Variants in UCKL1 observed in about 807,000 individuals in gnomAD.
The protein encoded by UCKL1 is uridine-cytidine kinase-like 1.
In UCKL1, 65 loss-of-function variants were observed where a neutral mutation model predicts 59.2. The observed-to-expected ratio is 1.10, with a 90% CI of 0.90 to 1.35. The LOEUF is 1.35. UCKL1 is among the 40% of genes most tolerant of loss of function. The probability of loss-of-function intolerance (pLI) is 0.00; values close to 1 mark genes in which losing one functional copy is unlikely to be tolerated. For missense variants in UCKL1, 703 were observed against 784.3 expected, an observed-to-expected ratio of 0.90 and a Z score of 1.24; for synonymous variants, 410 against 323.1, an observed-to-expected ratio of 1.27 and a Z score of -2.88.
At position 63,946,624 on chromosome 20, in the gene UCKL1, C is replaced by G; in HGVS notation, c.133G>C (p.Asp45His). ...GTGCCCACAGGTGGCAGGAGCCTGTCCAGGGACTCTGCATTGCTGCTGCAG... is the reference window on the plus strand; with the variant it reads ...GTGCCCACAGGTGGCAGGAGCCTGTGCAGGGACTCTGCATTGCTGCTGCAG... ...CEDRSNAESL[D>H]RLLPPVGTGR... Residue 45 changes from aspartate (D) to histidine (H), a missense_variant, in exon 2 of 15, where the codon GAC (aspartate) becomes CAC (histidine). This residue lies in a region of UCKL1 where 398 missense variants were observed against 373.0 expected (regional missense o/e 1.07). Transcript: ENST00000354216. 6.2e-7 allele frequency: 1 copy of G among 1,609,326 alleles called. No homozygotes were observed.
chr20:63,939,952 G>A lies in UCKL1; in HGVS notation c.*24C>T, dbSNP rs1412679003. On this transcript the variant is annotated 3_prime_UTR_variant, in exon 15 of 15. Coordinates refer to ENST00000354216, the MANE Select transcript of UCKL1 (RefSeq NM_017859.4). ...GTCAGGAGGCAGGAGGAGGGTGGTG[G>A]GGACGGGATGGCTCACTGGGCAGCT... 1 of 1,607,794 alleles carries A rather than the reference G, an allele frequency of 6.2e-7. No individual in the cohort carries two copies. Among genetic ancestry groups the A allele is most frequent in the Middle Eastern group, 1.7e-4 (1 of 6,044 alleles).
In UCKL1 at chr20:63,950,920, C is replaced by G. The variant is rs1053958878; in HGVS notation, c.114-4277G>C. 1.4e-5 allele frequency: 19 copies of G among 1,389,792 alleles called. No individual in the cohort carries two copies. The South Asian group carries it at 3.1e-4, about 23-fold the overall frequency. The allele number at this position is 1,389,792 out of a possible 1,614,324, so 86.1% of individuals were successfully genotyped here. On this transcript the variant is annotated intron_variant, in intron 1 of 14. Coordinates refer to ENST00000354216, the MANE Select transcript of UCKL1 (RefSeq NM_017859.4). ...GCGCAGGCAGCCGTGGGGGACATCA[C>G]CACCTCAGACCCACAGCAGTCCCCT...
At chr20:63,947,722 G>A (rs2056628479) in intron 1 of UCKL1, among the ~76,000 whole-genome samples, 1 of 152,270 alleles carries the variant, frequency 6.6e-6, no homozygotes, top group Non-Finnish European at 1.5e-5. Context: ...AAACACCAGA[G>A]AGGAAAGTGC....
intron 5 of UCKL1, among the ~76,000 whole-genome samples, 198 bp from the exon 6 acceptor site, chr20:63,944,932 C>T (rs1293674952): frequency 6.6e-6 from 1 of 152,044 alleles, no homozygotes; most frequent in Non-Finnish European, 1.5e-5. Flanking sequence ...AGCCACTTCC[C>T]CAGGGCACCC....
In UCKL1 at chr20:63,946,536, G is replaced by A; in HGVS notation, c.221C>T (p.Thr74Ile). 1 of 1,608,714 alleles carries A rather than the reference G, an allele frequency of 6.2e-7. No individual in the cohort carries two copies. The highest frequency in any genetic ancestry group is 1.1e-5 in the South Asian group (1 of 90,494). The change falls in exon 2 of 15, where the codon ACA becomes ATA. Residue 74 changes from threonine (T) to isoleucine (I), a missense_variant. By Grantham distance (89) the Thr-to-Ile change is moderately conservative. Transcript: ENST00000354216. ...QCKSEPPLLR[T>I]SKRTIYTAGR... ...GGCGGTGTAGATGGTACGCTTGCTT[G>A]TACGCAGCAGGGGAGGCTCTGACTT...
intron 1 of UCKL1, chr20:63,955,538 G>C (rs1601419802): frequency 6.6e-6 from 1 of 152,362 alleles, no homozygotes; most frequent in African/African-American, 2.4e-5. Flanking sequence ...AGAGGCGCCT[G>C]AGTGGGAACA....
In UCKL1 at chr20:63,939,835, T is replaced by G; in HGVS notation, c.*141A>C. The G allele has an allele frequency of 1.2e-6, 1 of 836,974 alleles. No homozygotes were observed. The highest frequency in any genetic ancestry group is 1.8e-6 in the Non-Finnish European group (1 of 549,724). The allele number at this position is 836,974 out of a possible 1,614,324, so 51.8% of individuals were successfully genotyped here. A position where few individuals can be genotyped will look rare whatever the true frequency, so the allele number is the denominator to read the frequency against. ...TGCTGTAACCAATCACACCTTCATT[T>G]TTCTAAAGCTTTATTTATTTTATAA... is the stretch of plus-strand genomic sequence containing the variant. On this transcript the variant is annotated 3_prime_UTR_variant, in exon 15 of 15. Coordinates refer to ENST00000354216, the MANE Select transcript of UCKL1 (RefSeq NM_017859.4).
chr20:63,943,567 C>T, intron 8 of UCKL1, 86 bp downstream of exon 8: 1 of 1,589,642 alleles, frequency 6.3e-7, no homozygotes, highest in Admixed American at 1.7e-5. Flanking sequence ...GAGCCAGCTG[C>T]CTGGCTGGAT....
intron 1 of UCKL1, among the ~76,000 whole-genome samples, chr20:63,947,674 C>G (rs2056615272): frequency 6.6e-6 from 1 of 152,256 alleles, no homozygotes; most frequent in Non-Finnish European, 1.5e-5. Flanking sequence ...GCTGTGGCCC[C>G]TCCTGGGTCC....
At chr20:63,944,373 G>T (rs1343123535) in intron 7 of UCKL1, 24 bp downstream of exon 7, 18 of 1,543,888 alleles carry the variant, frequency 1.2e-5, no homozygotes, top group Non-Finnish European at 1.6e-5. Flanking sequence ...GGGCTAGGCC[G>T]TGGGGACGTG....
At position 63,940,949 on chromosome 20, in the gene UCKL1, C is replaced by G. The variant is rs772501199; in HGVS notation, c.1116+1G>C. 1.1e-5 allele frequency: 17 copies of G among 1,522,228 alleles called. No individual in the cohort carries two copies. The highest frequency in any genetic ancestry group is 1.5e-5 in the Non-Finnish European group (17 of 1,133,500). The allele number at this position is 1,522,228 out of a possible 1,614,324, so 94.3% of individuals were successfully genotyped here. A position where few individuals can be genotyped will look rare whatever the true frequency, so the allele number is the denominator to read the frequency against. ...CACCTCGCGGGCTACGGGCTACGAA[C>G]CTGAAAGGGCAGGAAGGAGAGCGCG... is the stretch of plus-strand genomic sequence containing the variant. On this transcript the variant is annotated splice_donor_variant, in intron 10 of 14. Transcript: ENST00000354216. LOFTEE classifies it high-confidence loss of function.
In UCKL1 at chr20:63,940,208, G is replaced by A; in HGVS notation, c.1509C>T (p.Ile503=). Reference sequence around the variant, plus strand: ...CCCGCTTGTCCACCGCCGTGGTGATGATTCTCACTCGCGGAAATGCATAGG... The same window carrying A: ...CCCGCTTGTCCACCGCCGTGGTGATAATTCTCACTCGCGGAAATGCATAGG... ...SVAYAFPRVR[I]ITTAVDKRVN... is the part of the protein sequence containing the mutation. Residue 503 remains isoleucine, a synonymous_variant, in exon 14 of 15, where the codon ATC becomes ATT. Coordinates refer to ENST00000354216, the MANE Select transcript of UCKL1 (RefSeq NM_017859.4). 6.2e-7 allele frequency: 1 copy of A among 1,612,776 alleles called. No homozygotes were observed. The highest frequency in any genetic ancestry group is 2.2e-5 in the East Asian group (1 of 44,886).
chr20:63,944,523 A>C (rs1196290528), intron 6 of UCKL1, 22 bp downstream of exon 6: 2 of 1,600,014 alleles, frequency 1.2e-6, no homozygotes, highest in South Asian at 2.2e-5. Context: ...CACCCACCCA[A>C]CAGGCAGCCC....
At chr20:63,946,108 C>T in intron 3 of UCKL1, 53 bp downstream of exon 3, 1 of 1,608,048 alleles carries the variant, frequency 6.2e-7, no homozygotes, top group Non-Finnish European at 8.5e-7. Flanking sequence ...GCAGGGGGTC[C>T]AGGGTCAGGG....
intron 1 of UCKL1, chr20:63,950,754 C>T (rs893470849): frequency 6.5e-7 from 1 of 1,531,208 alleles, no homozygotes; most frequent in African/African-American, 1.4e-5. Flanking sequence ...CCAGTCGAGA[C>T]TCACCTGCCT....
chr20:63,947,070 G>C (rs2056440872), intron 1 of UCKL1, among the ~76,000 whole-genome samples: 1 of 151,238 alleles, frequency 6.6e-6, no homozygotes, highest in Non-Finnish European at 1.5e-5. Context: ...GACAGAGTGA[G>C]ACTCCACCTC....
In UCKL1 at chr20:63,940,897, C is replaced by T. The variant is rs767957396; in HGVS notation, c.1117-41G>A. On this transcript the variant is annotated intron_variant, in intron 10 of 14. Coordinates refer to ENST00000354216, the MANE Select transcript of UCKL1 (RefSeq NM_017859.4). ...TGAGGACTCCGGTGAGCGCAGGGAG[C>T]TCGCACCGGCTCCAAGACCCACCCT... 9.2e-6 allele frequency: 14 copies of T among 1,522,090 alleles called. No homozygotes were observed. The East Asian group carries it at 2.7e-4, about 30-fold the overall frequency. The allele number at this position is 1,522,090 out of a possible 1,614,324, so 94.3% of individuals were successfully genotyped here.
rs2053920770 is a variant in UCKL1, at chr20:63,940,034, AAGT to A, written c.1586_1588del (p.Tyr529del). On this transcript the variant is annotated inframe_deletion, in exon 15 of 15. Transcript: ENST00000354216. ...GCCATCGGGGACCGCGTCTGTCCCAAAGTAGCGGTCGCCAAAGTTCCCTGGAAA... is the reference window on the plus strand; with the variant it reads ...GCCATCGGGGACCGCGTCTGTCCCAAAGCGGTCGCCAAAGTTCCCTGGAAA... The A allele has an allele frequency of 6.5e-7, 1 of 1,540,014 alleles. No homozygotes were observed. The highest frequency in any genetic ancestry group is 8.8e-7 in the Non-Finnish European group (1 of 1,133,308).
Position 63,940,417 on chromosome 20 carries a change from G to A in UCKL1, c.1371C>T (p.Ser457=), listed in dbSNP as rs1600929722. The change falls in exon 13 of 15, where the codon TCC becomes TCT. Residue 457 remains serine (S), a synonymous_variant. Coordinates refer to ENST00000354216, the MANE Select transcript of UCKL1 (RefSeq NM_017859.4). ...CTGCCATCATGGCCGCCGCGCCCGT[G>A]GACACGGTGCAGTCCATGAGGATCA... The part of the protein sequence containing the change: ...DHVILMDCTV[S]TGAAAMMAVR... The A allele has an allele frequency of 6.2e-7, 1 of 1,612,016 alleles. No homozygotes were observed. The highest frequency in any genetic ancestry group is 8.5e-7 in the Non-Finnish European group (1 of 1,179,410).
Sources: allele counts gnomAD v4.1 joint callset (sites outside exome capture counted in the v4.1 genomes callset), GRCh38; gene constraint gnomAD v4.1.1; regional missense constraint gnomAD v4.1.1; transcripts MANE v1.5; gene names NCBI Gene and HGNC (gene_info 2026-07-23, HGNC 2026-07-21).